Variants in PLXNA4 observed in about 807,000 individuals in gnomAD.
The protein encoded by PLXNA4 is plexin A4, also known as plexin-A4.
A neutral mutation model predicts 191.8 loss-of-function variants in PLXNA4; 44 were observed. The ratio of observed to expected loss-of-function variants is 0.23; its 90% confidence interval spans 0.18 to 0.29. The LOEUF is 0.29. Among genes scored for constraint, PLXNA4 ranks in the 10% least tolerant of loss-of-function variants. The pLI is 1.00. For missense variants in PLXNA4, 1,800 were observed against 2,488.8 expected, an observed-to-expected ratio of 0.72 and a Z score of 5.89; for synonymous variants, 1,082 against 1,009.5, an observed-to-expected ratio of 1.07 and a Z score of -1.36.
chr7:132,224,092 G>A (rs774604504), intron 8 of PLXNA4, among the ~76,000 whole-genome samples: 11 of 152,116 alleles, frequency 7.2e-5, no homozygotes, highest in Non-Finnish European at 1.2e-4. Flanking sequence ...GTCTCACTAC[G>A]ATGGCTCCTC....
At chr7:132,644,151 G>A (rs1275991749) in intron 2 of PLXNA4, among the ~76,000 whole-genome samples, 1 of 152,166 alleles carries the variant, frequency 6.6e-6, no homozygotes, top group Non-Finnish European at 1.5e-5. Context: ...TGGCTCCAGA[G>A]TTGAGCAAAG....
chr7:132,482,942 C>T (rs1241123738), intron 3 of PLXNA4, among the ~76,000 whole-genome samples: 1 of 152,092 alleles, frequency 6.6e-6, no homozygotes, highest in Non-Finnish European at 1.5e-5. Context: ...CTGTGTGCCT[C>T]AGCCTCCCAA....
intron 3 of PLXNA4, among the ~76,000 whole-genome samples, chr7:132,375,670 A>C (rs2116918812): frequency 6.6e-6 from 1 of 152,304 alleles, no homozygotes; most frequent in Middle Eastern, 3.4e-3. Context: ...AGAGGAGGAC[A>C]GGAAGGACAG....
chr7:132,144,310 T>C (rs889175585), intron 29 of PLXNA4, among the ~76,000 whole-genome samples: 2 of 152,198 alleles, frequency 1.3e-5, no homozygotes, highest in Non-Finnish European at 2.9e-5. Flanking sequence ...CAAGCTTCCG[T>C]ACTAAGTGCT....
intron 5 of PLXNA4, among the ~76,000 whole-genome samples, chr7:132,234,348 G>T (rs982389053): frequency 6.6e-6 from 1 of 152,182 alleles, no homozygotes; most frequent in African/African-American, 2.4e-5. Flanking sequence ...GCTCTGTGCA[G>T]GCTGGGCTGC....
rs973864112 is a variant in PLXNA4 at position 132,301,967 on chromosome 7, G to A, written c.1372-3745C>T. Among the ~76,000 whole-genome samples the A allele has an allele frequency of 4.8e-4, 73 of 152,134 alleles. 1 individual carries two copies. Among genetic ancestry groups the A allele is most frequent in the African/African-American group, 1.7e-3 (72 of 41,432 alleles). On this transcript the variant is annotated intron_variant, in intron 3 of 31. Coordinates refer to ENST00000321063, the MANE Select transcript of PLXNA4 (RefSeq NM_020911.2). ...CCCCAAGTTCAATGATAAACCAATG[G>A]CATATAAGACTAGAACCCAGGTCTC... is the stretch of plus-strand genomic sequence containing the variant.
At chr7:132,133,018 C>T (rs1249783066) in intron 31 of PLXNA4, 31 bp downstream of exon 31, 4 of 1,602,842 alleles carry the variant, frequency 2.5e-6, no homozygotes, top group Non-Finnish European at 3.4e-6. Flanking sequence ...CCCCTTCCAT[C>T]CCAATGGGCC....
intron 9 of PLXNA4, among the ~76,000 whole-genome samples, chr7:132,219,338 C>T (rs1001779108): frequency 1.2e-4 from 19 of 152,196 alleles, no homozygotes; most frequent in African/African-American, 4.3e-4. Flanking sequence ...TCGCCAGCCC[C>T]CCTGACCACT....
intron 3 of PLXNA4, among the ~76,000 whole-genome samples, chr7:132,428,253 C>T (rs1372746922): frequency 2.0e-5 from 3 of 152,212 alleles, no homozygotes; most frequent in Non-Finnish European, 4.4e-5. Context: ...ACCTTTGATG[C>T]TTTCCCAAAG....
At chr7:132,263,289 T>G (rs1799721724) in intron 4 of PLXNA4, among the ~76,000 whole-genome samples, 1 of 152,152 alleles carries the variant, frequency 6.6e-6, no homozygotes, top group Non-Finnish European at 1.5e-5. Context: ...GCCAAATGTG[T>G]TCTGGCCATG....
intron 3 of PLXNA4, among the ~76,000 whole-genome samples, chr7:132,431,399 C>T (rs541492420): frequency 2.0e-5 from 3 of 152,312 alleles, no homozygotes; most frequent in African/African-American, 7.2e-5. Context: ...CCTCGTCACT[C>T]CTCAGCCAGC....
At chr7:132,525,407 A>T (rs1464909370) in intron 1 of PLXNA4, among the ~76,000 whole-genome samples, 7 of 152,080 alleles carry the variant, frequency 4.6e-5, no homozygotes, top group Non-Finnish European at 7.4e-5. Flanking sequence ...AGGCTGCTAC[A>T]CCAGGCTAAT....
At position 132,422,530 on chromosome 7, in the gene PLXNA4, G is replaced by T. The variant is rs543499389; in HGVS notation, c.1371+66762C>A. Among the ~76,000 whole-genome samples the T allele has an allele frequency of 4.3e-4, 65 of 152,270 alleles. 1 individual carries two copies. The highest frequency in any genetic ancestry group is 1.5e-3 in the African/African-American group (61 of 41,544). On this transcript the variant is annotated intron_variant, in intron 3 of 31. Coordinates refer to ENST00000321063, the MANE Select transcript of PLXNA4 (RefSeq NM_020911.2). ...CCCTTCCAAGCAGCCATGCTAATAG[G>T]GGCCATCGTAATTGTCCAGCAGTAA...
rs1300267810 is a variant in PLXNA4, at chr7:132,322,357, A to G, written c.1372-24135T>C. Among the ~76,000 whole-genome samples the G allele has an allele frequency of 2.0e-5, 3 of 151,750 alleles. No homozygotes were observed. In the East Asian group the frequency reaches 5.8e-4, roughly 29 times the overall value. On this transcript the variant is annotated intron_variant, in intron 3 of 31. Coordinates refer to ENST00000321063, the MANE Select transcript of PLXNA4 (RefSeq NM_020911.2). Reference sequence around the variant, plus strand: ...CCACCATGTCTGGCTAATTTTTTGTATTTTTGGTAGAGACAGGGTTTCACC... The same window carrying G: ...CCACCATGTCTGGCTAATTTTTTGTGTTTTTGGTAGAGACAGGGTTTCACC...
At chr7:132,411,979 T>C (rs1210354751) in intron 3 of PLXNA4, among the ~76,000 whole-genome samples, 1 of 152,152 alleles carries the variant, frequency 6.6e-6, no homozygotes, top group Non-Finnish European at 1.5e-5. Context: ...CCTCCCTTCA[T>C]GAAGGTCTGT....
At chr7:132,466,399 C>T (rs1796702832) in intron 3 of PLXNA4, among the ~76,000 whole-genome samples, 1 of 152,156 alleles carries the variant, frequency 6.6e-6, no homozygotes, top group Non-Finnish European at 1.5e-5. Flanking sequence ...TGGGTTAGCT[C>T]TTTATCCTGT....
At chr7:132,174,566 C>A (rs1796393383) in intron 21 of PLXNA4, among the ~76,000 whole-genome samples, 1 of 152,184 alleles carries the variant, frequency 6.6e-6, no homozygotes, top group Non-Finnish European at 1.5e-5. Context: ...CCTCCAAGAC[C>A]TGAAGCCCTA....
intron 2 of PLXNA4, among the ~76,000 whole-genome samples, chr7:132,625,574 G>A (rs961293725): frequency 6.6e-6 from 1 of 152,184 alleles, no homozygotes; most frequent in Non-Finnish European, 1.5e-5. Context: ...GGTGGAGTGT[G>A]TGGAGTCCTA....
At chr7:132,516,997 G>A (rs1798967254) in intron 1 of PLXNA4, among the ~76,000 whole-genome samples, 2 of 152,090 alleles carry the variant, frequency 1.3e-5, no homozygotes, top group Admixed American at 1.3e-4. Context: ...TGCTCTCCAG[G>A]GGCTGAGGGT....
Sources: gnomAD v4.1 joint callset for allele counts (sites outside exome capture counted in the v4.1 genomes callset) on GRCh38, gnomAD v4.1.1 for gene constraint, MANE v1.5 for transcripts, NCBI Gene and HGNC (gene_info 2026-07-23, HGNC 2026-07-21) for gene names.